EFCAB14: variants seen among roughly 807,000 people sequenced by gnomAD.
EFCAB14 encodes EF-hand calcium binding domain 14.
Under a neutral mutation model 56.5 loss-of-function variants are expected in EFCAB14, and 43 were observed. The ratio of observed to expected loss-of-function variants is 0.76; its 90% CI spans 0.60 to 0.98. The LOEUF is 0.98. EFCAB14 is among the 50% of genes least tolerant of loss of function. EFCAB14 has a pLI of 0.00. For missense variants in EFCAB14, 538 were observed against 580.3 expected (o/e 0.93, Z 0.75); for synonymous variants, 235 against 212.9 (o/e 1.10, Z -0.90).
chr1:46,716,150 T>C, intron 2 of EFCAB14, 145 bp downstream of exon 2: 1 of 911,684 alleles, frequency 1.1e-6, no homozygotes, highest in Non-Finnish European at 1.6e-6. Context: ...CTCAGAAGGC[T>C]GACCATGAGA....
intron 4 of EFCAB14, among the ~76,000 whole-genome samples, chr1:46,695,170 C>G (rs533150422): frequency 1.3e-5 from 2 of 151,994 alleles, no homozygotes; most frequent in Admixed American, 6.6e-5. Flanking sequence ...TATATACATA[C>G]GTAACAAACC....
At chr1:46,679,746 C>CA (rs1676761973) in intron 10 of EFCAB14, among the ~76,000 whole-genome samples, 2 of 151,116 alleles carry the variant, frequency 1.3e-5, no homozygotes, top group South Asian at 4.2e-4. Context: ...TAGTAGCTGG[C>CA]ATGACAGGTG....
chr1:46,708,570 G>A (rs754042470), intron 2 of EFCAB14, among the ~76,000 whole-genome samples: 11 of 152,188 alleles, frequency 7.2e-5, no homozygotes, highest in Non-Finnish European at 1.5e-4. Context: ...GAGATTATAA[G>A]TTATATTTCT....
At chr1:46,686,189 T>G (rs777241362) in intron 8 of EFCAB14, among the ~76,000 whole-genome samples, 1 of 152,202 alleles carries the variant, frequency 6.6e-6, no homozygotes, top group African/African-American at 2.4e-5. Flanking sequence ...AAGCATATCA[T>G]AGATTGCTGT....
chr1:46,683,520 CAATT>C (rs988459412), intron 9 of EFCAB14, 95 bp from the exon 10 acceptor site: 103 of 1,277,994 alleles, frequency 8.1e-5, no homozygotes, highest in Non-Finnish European at 1.0e-4. Context: ...ATTGGATATA[CAATT>C]AATTTAGAGA....
intron 10 of EFCAB14, among the ~76,000 whole-genome samples, chr1:46,680,209 A>C (rs924999109): frequency 1.2e-4 from 19 of 152,316 alleles, no homozygotes; most frequent in African/African-American, 4.3e-4. Context: ...TCCTAGGTAT[A>C]TATATACTCA....
chr1:46,716,595 T>C (rs1677399111), intron 1 of EFCAB14, 152 bp from the exon 2 acceptor site: 2 of 823,702 alleles, frequency 2.4e-6, no homozygotes, highest in Non-Finnish European at 3.8e-6. Flanking sequence ...CTTAAATGAA[T>C]AAATAATATG....
chr1:46,689,496 C>A, intron 6 of EFCAB14, 91 bp downstream of exon 6: 1 of 1,227,174 alleles, frequency 8.1e-7, no homozygotes, highest in Non-Finnish European at 1.2e-6. Flanking sequence ...CAGGATGCAC[C>A]TGCTGAGACA....
intron 5 of EFCAB14, 128 bp from the exon 6 acceptor site, chr1:46,689,819 C>T: frequency 1.2e-6 from 1 of 803,012 alleles, no homozygotes; most frequent in Non-Finnish European, 2.0e-6. Flanking sequence ...TAAGTATTGC[C>T]AGGGAATGTA....
At position 46,681,675 on chromosome 1, in the gene EFCAB14, C is replaced by CT. The variant is rs917899085; in HGVS notation, c.1312+1624dup. Among the ~76,000 whole-genome samples, 176 of 79,034 alleles carry CT rather than the reference C, an allele frequency of 2.2e-3. 1 individual carries two copies. Among genetic ancestry groups the CT allele is most frequent in the African/African-American group, 8.0e-3 (162 of 20,150 alleles). The allele number at this position is 79,034 out of a possible 152,430, so 51.8% of individuals were successfully genotyped here. ...GCTGAAGAGTTCTGTTTTTTTTTTT[C>CT]TTTTTTTTTGTGGCATGAGTTTATA... On this transcript the variant is annotated intron_variant, in intron 10 of 10. Coordinates refer to ENST00000371933, the MANE Select transcript of EFCAB14 (RefSeq NM_014774.3).
At chr1:46,717,801 C>CTTTTTTTTTTT in intron 1 of EFCAB14, 102 bp downstream of exon 1, 1 of 1,324,578 alleles carries the variant, frequency 7.5e-7, no homozygotes, top group Non-Finnish European at 1.0e-6. Flanking sequence ...GGCCTACACC[C>CTTTTTTTTTTT]TTTTTTCTTC....
intron 2 of EFCAB14, among the ~76,000 whole-genome samples, chr1:46,714,568 G>A (rs1183646495): frequency 2.0e-5 from 3 of 152,116 alleles, no homozygotes; most frequent in African/African-American, 4.8e-5. Flanking sequence ...GAGGCAGGCA[G>A]ATCACTTGAG....
At chr1:46,714,668 A>G (rs1677360230) in intron 2 of EFCAB14, among the ~76,000 whole-genome samples, 1 of 151,868 alleles carries the variant, frequency 6.6e-6, no homozygotes, top group Non-Finnish European at 1.5e-5. Context: ...GCGTGCCTGT[A>G]GTTTCAGCTA....
chr1:46,686,608 A>G, intron 8 of EFCAB14, 176 bp downstream of exon 8: 1 of 658,230 alleles, frequency 1.5e-6, no homozygotes, highest in South Asian at 1.8e-5. Flanking sequence ...GGCACAGGGT[A>G]GGTGCCTAAA....
At chr1:46,681,299 T>C (rs563149443) in intron 10 of EFCAB14, among the ~76,000 whole-genome samples, 5 of 152,300 alleles carry the variant, frequency 3.3e-5, no homozygotes, top group Admixed American at 1.3e-4. Context: ...GTCCCCATAA[T>C]CAAATAGAAG....
At chr1:46,708,945 C>CTT (rs539417579) in intron 2 of EFCAB14, among the ~76,000 whole-genome samples, 43,119 of 145,900 alleles carry the variant, frequency 0.3, 6,380 homozygotes, top group Admixed American at 0.36. Context: ...AACCTACATC[C>CTT]TTTTTTTTTT....
Position 46,676,228 on chromosome 1 carries a change from A to C in EFCAB14, c.*2233T>G, listed in dbSNP as rs1356871382. 1.3e-5 allele frequency: 2 copies of C among 152,228 alleles called. No individual in the cohort carries two copies. The highest frequency in any genetic ancestry group is 2.9e-5 in the Non-Finnish European group (2 of 68,034). 9.4% of individuals were successfully genotyped at this position (152,228 alleles called of 1,614,324 possible). A position where few individuals can be genotyped will look rare whatever the true frequency, so the allele number is the denominator to read the frequency against. On this transcript the variant is annotated 3_prime_UTR_variant, in exon 11 of 11. Transcript: ENST00000371933. ...AAAATATTCATAGATCTGAGAATGC[A>C]GTATAAACACCTCTGCCAAACTTGG...
chr1:46,712,944 T>A (rs1269649096), intron 2 of EFCAB14, among the ~76,000 whole-genome samples: 1 of 151,662 alleles, frequency 6.6e-6, no homozygotes, highest in African/African-American at 2.4e-5. Context: ...AACCTGGGAG[T>A]TAGAGGTTGC....
intron 3 of EFCAB14, among the ~76,000 whole-genome samples, 173 bp downstream of exon 3, chr1:46,707,733 T>C (rs1007483063): frequency 2.6e-5 from 4 of 152,218 alleles, no homozygotes; most frequent in Non-Finnish European, 5.9e-5. Flanking sequence ...GGTAAATGCA[T>C]AACTATTTTA....
Sources: gnomAD v4.1 joint callset for allele counts (sites outside exome capture counted in the v4.1 genomes callset) on GRCh38, gnomAD v4.1.1 for gene constraint, MANE v1.5 for transcripts, NCBI Gene and HGNC (gene_info 2026-07-23, HGNC 2026-07-21) for gene names.